Variants in DOCK10 observed in about 807,000 individuals in gnomAD.
DOCK10 encodes the protein dedicator of cytokinesis 10, also known as dedicator of cytokinesis protein 10.
A neutral mutation model predicts 280.1 loss-of-function variants in DOCK10; 145 were observed. The observed-to-expected ratio is 0.52, with a 90% CI of 0.45 to 0.59. The LOEUF is 0.59. Ranked by LOEUF, DOCK10 falls within the 20% of genes least tolerant of loss-of-function variation. The pLI is 0.00. For missense variants in DOCK10, 2,368 were observed against 2,651.7 expected, an observed-to-expected ratio of 0.89 and a Z score of 2.35; for synonymous variants, 915 against 942.2, an observed-to-expected ratio of 0.97 and a Z score of 0.53.
In DOCK10 at chr2:224,874,693, C is replaced by T; in HGVS notation, c.990G>A (p.Glu330=). 1 of 1,613,912 alleles carries T rather than the reference C, an allele frequency of 6.2e-7. No individual in the cohort carries two copies. Among genetic ancestry groups the T allele is most frequent in the South Asian group, 1.1e-5 (1 of 91,074 alleles). The change falls in exon 9 of 56, where the codon GAG becomes GAA. Residue 330 remains glutamate (E), a synonymous_variant. Transcript: ENST00000258390. ...TTGCAAAGTCTGCGTGTAGGTTGTT[C>T]TCTGAAGAATCTGTTTCCTCTGGCG... ...ECTPEETDSS[E]NNLHADFAKY...
chr2:224,864,714 C>T, intron 12 of DOCK10, 39 bp from the exon 13 acceptor site: 2 of 1,590,478 alleles, frequency 1.3e-6, no homozygotes, highest in Non-Finnish European at 1.7e-6. Flanking sequence ...ATGGAAGAAA[C>T]CACATTGTAG....
chr2:224,778,502 G>C (rs1691039985), intron 50 of DOCK10: 1 of 592,994 alleles, frequency 1.7e-6, no homozygotes, highest in Non-Finnish European at 3.0e-6. Context: ...TTCCTAGCCA[G>C]GCCAAAGAAA....
intron 26 of DOCK10, among the ~76,000 whole-genome samples, chr2:224,833,304 T>C (rs1369638421): frequency 6.6e-6 from 1 of 152,056 alleles, no homozygotes; most frequent in Non-Finnish European, 1.5e-5. Flanking sequence ...CTTCCATGAC[T>C]TCATCGTCCA....
At chr2:224,938,128 C>T (rs1250923660) in intron 1 of DOCK10, among the ~76,000 whole-genome samples, 2 of 152,126 alleles carry the variant, frequency 1.3e-5, no homozygotes, top group Non-Finnish European at 2.9e-5. Flanking sequence ...TTTCAGAAAA[C>T]CTAGTCTTTT....
chr2:224,921,528 G>A lies in DOCK10; in HGVS notation c.244-4744C>T, dbSNP rs1412908541. Among the ~76,000 whole-genome samples the A allele has an allele frequency of 2.0e-5, 3 of 151,904 alleles. No homozygotes were observed. In the East Asian group the frequency reaches 5.8e-4, roughly 29 times the overall value. The stretch of plus-strand genomic sequence containing the variant: ...GAGACTGCGAATTAATTCAGGCCGA[G>A]TTACAAAAATTGCTTAATCACGTGT... On this transcript the variant is annotated intron_variant, in intron 2 of 55. Transcript: ENST00000258390.
At chr2:225,038,457 A>T (rs115975938) in intron 1 of DOCK10, among the ~76,000 whole-genome samples, 1,729 of 152,236 alleles carry the variant, frequency 0.011, 33 homozygotes, top group African/African-American at 0.039. Flanking sequence ...TCTCTAAAAT[A>T]TCAAAAGTGG....
At chr2:224,974,800 TC>T (rs1705310518) in intron 1 of DOCK10, among the ~76,000 whole-genome samples, 1 of 133,940 alleles carries the variant, frequency 7.5e-6, no homozygotes, top group Non-Finnish European at 1.6e-5. Flanking sequence ...TCTATATATA[TC>T]ATATATATTA....
At chr2:224,893,841 T>A (rs1328789930) in intron 4 of DOCK10, among the ~76,000 whole-genome samples, 1 of 152,134 alleles carries the variant, frequency 6.6e-6, no homozygotes, top group Non-Finnish European at 1.5e-5. Context: ...ATCCAGGAGG[T>A]ATGAAAATGA....
chr2:225,034,891 C>A (rs909960195), intron 1 of DOCK10, among the ~76,000 whole-genome samples: 1 of 152,106 alleles, frequency 6.6e-6, no homozygotes, highest in Non-Finnish European at 1.5e-5. Flanking sequence ...TTCACCTCAC[C>A]CTGAAACACA....
At chr2:225,028,701 G>C (rs1326668566) in intron 1 of DOCK10, among the ~76,000 whole-genome samples, 2 of 152,158 alleles carry the variant, frequency 1.3e-5, no homozygotes, top group Admixed American at 6.5e-5. Context: ...CTGATCACTA[G>C]ACTTTTGGCA....
In DOCK10 at chr2:224,794,957, G is replaced by A. The variant is rs369028349; in HGVS notation, c.5076C>T (p.Tyr1692=). ...VDLQYSLANS[Y]ASTPELRRTW... Reference sequence around the variant, plus strand: ...TCCTGCGTAGTTCAGGAGTGCTTGCGTAGGAGTTTGCCAGGCTGTACTGGA... The same window carrying A: ...TCCTGCGTAGTTCAGGAGTGCTTGCATAGGAGTTTGCCAGGCTGTACTGGA... The change falls in exon 45 of 56, where the codon TAC becomes TAT. Residue 1692 remains tyrosine, a synonymous_variant. Coordinates refer to ENST00000258390, the MANE Select transcript of DOCK10 (RefSeq NM_014689.3). 80 of 1,613,904 alleles carry A rather than the reference G, an allele frequency of 5.0e-5. No individual in the cohort carries two copies. Among genetic ancestry groups the A allele is most frequent in the Middle Eastern group, 1.6e-4 (1 of 6,062 alleles).
chr2:225,031,534 T>C (rs1690075769), intron 1 of DOCK10, among the ~76,000 whole-genome samples: 1 of 152,118 alleles, frequency 6.6e-6, no homozygotes, highest in South Asian at 2.1e-4. Context: ...CTTTCCCAGG[T>C]GTGAGCAGGG....
At chr2:224,851,461 A>ATTTT (rs1371091009) in intron 18 of DOCK10, among the ~76,000 whole-genome samples, 1,472 of 138,026 alleles carry the variant, frequency 0.011, 11 homozygotes, top group Middle Eastern at 0.021. Context: ...TTTTTTTTAA[A>ATTTT]AAAAAAAAAA....
chr2:224,831,779 C>A (rs572250580), intron 26 of DOCK10, among the ~76,000 whole-genome samples: 1 of 152,264 alleles, frequency 6.6e-6, no homozygotes, highest in African/African-American at 2.4e-5. Flanking sequence ...TTAATGGGGT[C>A]TAGGGTTGCA....
At position 224,845,235 on chromosome 2, in the gene DOCK10, A is replaced by G; in HGVS notation, c.2449T>C (p.Tyr817His). ...IPIATSLPPN[Y>H]LSFQDSASGK... Reference sequence around the variant, plus strand: ...CTTGCAGAATCTTGAAAGCTTAAATAATTAGGAGGCAGACTTGTTGCTATT... The same window carrying G: ...CTTGCAGAATCTTGAAAGCTTAAATGATTAGGAGGCAGACTTGTTGCTATT... The change falls in exon 21 of 56, where the codon TAT becomes CAT. Residue 817 changes from tyrosine to histidine, a missense_variant. Around this residue, in one of 2 missense-constraint regions of DOCK10, gnomAD observed 1,209 missense variants for 1,250.9 expected, o/e 0.97. Transcript: ENST00000258390. 1 of 1,582,078 alleles carries G rather than the reference A, an allele frequency of 6.3e-7. No homozygotes were observed. The highest frequency in any genetic ancestry group is 1.2e-5 in the South Asian group (1 of 86,668).
chr2:224,779,632 T>TA (rs1262875955), intron 50 of DOCK10, among the ~76,000 whole-genome samples: 6 of 152,128 alleles, frequency 3.9e-5, no homozygotes, highest in East Asian at 3.8e-4. Context: ...TATTAATTGT[T>TA]AAAAAAAGCA....
rs149315806 is a variant in DOCK10 at position 224,906,071 on chromosome 2, C to T, written c.334-9694G>A. Among the ~76,000 whole-genome samples the T allele has an allele frequency of 1.4e-4, 22 of 152,248 alleles. 1 individual carries two copies. The highest frequency in any genetic ancestry group is 5.3e-4 in the African/African-American group (22 of 41,538). On this transcript the variant is annotated intron_variant, in intron 3 of 55. Transcript: ENST00000258390. ...TCATCCTTCCAGCAATCTTCACTCT[C>T]TTCTGGGCACCTTATTTAAATGAAT...
intron 1 of DOCK10, among the ~76,000 whole-genome samples, chr2:224,955,602 A>G (rs1038858441): frequency 6.6e-6 from 1 of 152,262 alleles, no homozygotes; most frequent in African/African-American, 2.4e-5. Flanking sequence ...GATAAAGCTA[A>G]TACAATACTT....
chr2:224,807,517 A>G, intron 33 of DOCK10, 151 bp downstream of exon 33: 1 of 576,058 alleles, frequency 1.7e-6, no homozygotes, highest in Non-Finnish European at 3.1e-6. Context: ...TCTGGAACAA[A>G]TGACACATTG....
Sources: allele counts gnomAD v4.1 joint callset (sites outside exome capture counted in the v4.1 genomes callset), GRCh38; gene constraint gnomAD v4.1.1; regional missense constraint gnomAD v4.1.1; transcripts MANE v1.5; gene names NCBI Gene and HGNC (gene_info 2026-07-23, HGNC 2026-07-21).